FAT3: variants seen among roughly 807,000 people sequenced by gnomAD.
FAT3 encodes protocadherin Fat 3.
FAT3 carries 95 observed loss-of-function variants against 310.2 expected under a neutral mutation model. The observed-to-expected ratio is 0.31, with a 90% CI of 0.26 to 0.36. FAT3 has a LOEUF of 0.36. FAT3 is among the 10% of genes least tolerant of loss of function. FAT3 has a pLI of 1.00. For synonymous variants in FAT3, 2,314 were observed against 2,192.9 expected (o/e 1.06, Z -1.54); for missense variants, 5,408 against 5,715.6 (o/e 0.95, Z 1.74).
chr11:92,495,337 C>G (rs1339615835), intron 2 of FAT3, among the ~76,000 whole-genome samples: 1 of 152,054 alleles, frequency 6.6e-6, no homozygotes. Flanking sequence ...CCAGGTTTCT[C>G]TGCCCAGCGC....
chr11:92,665,417 G>A (rs942239614), intron 3 of FAT3, among the ~76,000 whole-genome samples: 6 of 152,122 alleles, frequency 3.9e-5, no homozygotes, highest in African/African-American at 7.2e-5. Context: ...TGACAGCAAG[G>A]TTTCTCTTTC....
intron 3 of FAT3, among the ~76,000 whole-genome samples, chr11:92,546,564 A>G (rs1954624319): frequency 6.6e-6 from 1 of 152,218 alleles, no homozygotes; most frequent in Non-Finnish European, 1.5e-5. Flanking sequence ...TCTGATCTTA[A>G]CTGAAATTAG....
intron 3 of FAT3, among the ~76,000 whole-genome samples, chr11:92,679,421 G>A (rs2135851671): frequency 6.6e-6 from 1 of 151,982 alleles, no homozygotes; most frequent in Non-Finnish European, 1.5e-5. Flanking sequence ...CCCTCCAGTA[G>A]CATTTATGAG....
intron 3 of FAT3, among the ~76,000 whole-genome samples, chr11:92,653,603 T>G (rs1204377776): frequency 2.0e-5 from 3 of 152,172 alleles, no homozygotes; most frequent in Non-Finnish European, 4.4e-5. Context: ...CTAAAGCAAT[T>G]GGTTGCTCTA....
intron 9 of FAT3, among the ~76,000 whole-genome samples, chr11:92,796,345 G>T (rs1026493761): frequency 6.6e-6 from 1 of 152,046 alleles, no homozygotes; most frequent in Non-Finnish European, 1.5e-5. Context: ...ATTCACATTT[G>T]GGGGGGCTGG....
chr11:92,469,650 G>T (rs1234739229), intron 2 of FAT3, among the ~76,000 whole-genome samples: 1 of 151,920 alleles, frequency 6.6e-6, no homozygotes, highest in Non-Finnish European at 1.5e-5. Flanking sequence ...GAGTAGCTGG[G>T]ATTACAGGCA....
At chr11:92,874,938 T>C (rs1362591039) in intron 22 of FAT3, among the ~76,000 whole-genome samples, 1 of 152,000 alleles carries the variant, frequency 6.6e-6, no homozygotes, top group Non-Finnish European at 1.5e-5. Flanking sequence ...ATCACTGTGA[T>C]CCTTCAGAGA....
chr11:92,238,346 TA>T (rs1378404959), intron 1 of FAT3, among the ~76,000 whole-genome samples: 2 of 152,154 alleles, frequency 1.3e-5, no homozygotes, highest in Non-Finnish European at 2.9e-5. Context: ...CCTAAATCTT[TA>T]AGTAAAATTG....
chr11:92,448,427 G>A (rs921174339), intron 2 of FAT3, among the ~76,000 whole-genome samples: 1 of 152,034 alleles, frequency 6.6e-6, no homozygotes, highest in African/African-American at 2.4e-5. Flanking sequence ...AGACTGTTCT[G>A]TCATTAAATT....
chr11:92,685,595 A>T (rs1467518946), intron 3 of FAT3, among the ~76,000 whole-genome samples: 1 of 149,580 alleles, frequency 6.7e-6, no homozygotes, highest in East Asian at 1.9e-4. Flanking sequence ...TATATATTAT[A>T]TATTTAATTA....
chr11:92,752,840 G>T (rs971601095), intron 4 of FAT3, among the ~76,000 whole-genome samples: 6 of 152,084 alleles, frequency 3.9e-5, no homozygotes, highest in Non-Finnish European at 8.8e-5. Context: ...ATATGCGATC[G>T]CTCTATCCTG....
chr11:92,711,089 C>A (rs559808703), intron 4 of FAT3, among the ~76,000 whole-genome samples: 1 of 152,054 alleles, frequency 6.6e-6, no homozygotes, highest in African/African-American at 2.4e-5. Context: ...TAATAATATT[C>A]ATAGTTTTTC....
At chr11:92,748,104 C>G (rs1370647620) in intron 4 of FAT3, among the ~76,000 whole-genome samples, 1 of 152,154 alleles carries the variant, frequency 6.6e-6, no homozygotes, top group African/African-American at 2.4e-5. Flanking sequence ...ATACTCAAGG[C>G]TGGGTAATTT....
intron 4 of FAT3, among the ~76,000 whole-genome samples, chr11:92,701,631 A>G (rs1343192664): frequency 6.6e-6 from 1 of 152,190 alleles, no homozygotes; most frequent in Non-Finnish European, 1.5e-5. Flanking sequence ...CATTTGTTCA[A>G]AGTCGTATAC....
chr11:92,729,779 A>G (rs1349875748), intron 4 of FAT3, among the ~76,000 whole-genome samples: 2 of 152,268 alleles, frequency 1.3e-5, no homozygotes, highest in Non-Finnish European at 2.9e-5. Flanking sequence ...TAGTTAGTGA[A>G]TGGAAGGATC....
chr11:92,595,065 A>C (rs1335185481), intron 3 of FAT3, among the ~76,000 whole-genome samples: 1 of 151,840 alleles, frequency 6.6e-6, no homozygotes, highest in Non-Finnish European at 1.5e-5. Context: ...CATGATGCCC[A>C]TGTGTACTCC....
chr11:92,787,710 TAAA>T (rs1297752444), intron 7 of FAT3, among the ~76,000 whole-genome samples: 3 of 150,246 alleles, frequency 2.0e-5, no homozygotes, highest in African/African-American at 4.9e-5. Flanking sequence ...AATTATAAAA[TAAA>T]AAGAACTACA....
chr11:92,616,403 G>C (rs1055753305), intron 3 of FAT3, among the ~76,000 whole-genome samples: 6 of 152,204 alleles, frequency 3.9e-5, no homozygotes, highest in East Asian at 3.9e-4. Flanking sequence ...CTGAATACGG[G>C]ACACTGATGG....
chr11:92,237,249 T>C (rs1864467317), intron 1 of FAT3, among the ~76,000 whole-genome samples: 8 of 152,148 alleles, frequency 5.3e-5, no homozygotes, highest in Admixed American at 5.2e-4. Flanking sequence ...TGAAAGGGTA[T>C]TTTGATCCTT....
Sources: allele counts gnomAD v4.1 joint callset (sites outside exome capture counted in the v4.1 genomes callset), GRCh38; gene constraint gnomAD v4.1.1; transcripts MANE v1.5; gene names NCBI Gene and HGNC (gene_info 2026-07-23, HGNC 2026-07-21).